The following NEXMIF variants were observed in gnomAD, a reference collection of about 807,000 sequenced individuals.
The protein encoded by NEXMIF is XLMR protein related to neurite extension.
A neutral mutation model predicts 62.1 loss-of-function variants in NEXMIF; 8 were observed. That is an observed-to-expected ratio of 0.13 (90% CI 0.08 to 0.23). The LOEUF (loss-of-function observed/expected upper bound fraction) is 0.23, where lower values mean the gene tolerates loss of function less well. Ranked by LOEUF, NEXMIF falls within the 10% of genes least tolerant of loss-of-function variation. NEXMIF has a pLI of 1.00. For missense variants in NEXMIF, 976 were observed against 1,113.3 expected (o/e 0.88, Z 1.75); for synonymous variants, 404 against 416.6 (o/e 0.97, Z 0.37).
chrX:74,852,255 A>G (rs2147494843), intron 1 of NEXMIF, among the ~76,000 whole-genome samples: 1 of 112,217 alleles, frequency 8.9e-6, no homozygotes, highest in South Asian at 3.7e-4. Flanking sequence ...AGATCAATTC[A>G]GCAAGAGAAT....
chrX:74,832,524 A>C (rs1221650158), intron 1 of NEXMIF, among the ~76,000 whole-genome samples: 1 of 110,444 alleles, frequency 9.1e-6, no homozygotes, highest in Non-Finnish European at 1.9e-5. Context: ...ACAGTTTGTC[A>C]ATTTTATCTT....
At chrX:74,843,470 A>G (rs2080480820) in intron 1 of NEXMIF, among the ~76,000 whole-genome samples, 1 of 108,757 alleles carries the variant, frequency 9.2e-6, no homozygotes, top group Non-Finnish European at 1.9e-5. Context: ...GCTGGAGTGC[A>G]GTGGTGTGAT....
intron 1 of NEXMIF, among the ~76,000 whole-genome samples, chrX:74,900,475 A>G (rs1374085270): frequency 3.3e-5 from 3 of 90,195 alleles, no homozygotes; most frequent in Non-Finnish European, 4.2e-5. Context: ...AAAAAAAAAA[A>G]AAAAGAAAAA....
rs1602229001 is a variant in NEXMIF, at chrX:74,791,817, G to A, written c.-47-46120C>T. On this transcript the variant is annotated intron_variant, in intron 1 of 3. Transcript: ENST00000055682. ...TAGTTTGTATTTCTGTGGGATCAGT[G>A]GTGATATCCCCTTTATCATTTTTTA... Among the ~76,000 whole-genome samples the A allele has an allele frequency of 3.6e-5, 4 of 110,341 alleles. No individual in the cohort carries two copies. In the East Asian group the frequency reaches 8.5e-4, roughly 24 times the overall value.
intron 1 of NEXMIF, among the ~76,000 whole-genome samples, chrX:74,850,377 C>A (rs2080508664): frequency 8.9e-6 from 1 of 112,340 alleles, no homozygotes; most frequent in Non-Finnish European, 1.9e-5. Flanking sequence ...CCACCACTAC[C>A]ACTTCTGGCA....
chrX:74,896,321 C>T (rs904840508), intron 1 of NEXMIF, among the ~76,000 whole-genome samples: 1 of 111,498 alleles, frequency 9.0e-6, no homozygotes, highest in African/African-American at 3.3e-5. Context: ...TGAAATTCAA[C>T]ATTTGCTAAC....
chrX:74,800,682 T>A (rs1365866457), intron 1 of NEXMIF, among the ~76,000 whole-genome samples: 2 of 111,288 alleles, frequency 1.8e-5, no homozygotes, highest in Non-Finnish European at 3.8e-5. Context: ...ATTCTATTTT[T>A]AAAAAATTAA....
chrX:74,832,065 T>C lies in NEXMIF; in HGVS notation c.-47-86368A>G, dbSNP rs1366601934. Among the ~76,000 whole-genome samples the C allele has an allele frequency of 4.5e-5, 5 of 112,216 alleles. No homozygotes were observed. In the East Asian group the frequency reaches 8.4e-4, roughly 19 times the overall value. On this transcript the variant is annotated intron_variant, in intron 1 of 3. Transcript: ENST00000055682. ...AATATTCATCAGAGATATTGGCCTGTAGTTTTCTTTTTCTGTTGTGTCTTT... is the reference window on the plus strand; with the variant it reads ...AATATTCATCAGAGATATTGGCCTGCAGTTTTCTTTTTCTGTTGTGTCTTT...
At chrX:74,765,800 C>A (rs1431464981) in intron 1 of NEXMIF, among the ~76,000 whole-genome samples, 3 of 99,627 alleles carry the variant, frequency 3.0e-5, no homozygotes, top group African/African-American at 1.1e-4. Context: ...CTGAGGCAGG[C>A]AGATTGCCTG....
At chrX:74,761,117 G>A (rs1239424401) in intron 1 of NEXMIF, among the ~76,000 whole-genome samples, 1 of 110,151 alleles carries the variant, frequency 9.1e-6, no homozygotes, top group Non-Finnish European at 1.9e-5. Context: ...TGATCCGCCC[G>A]CCTCGGCCTC....
At chrX:74,786,859 G>A (rs767551650) in intron 1 of NEXMIF, among the ~76,000 whole-genome samples, 86 of 107,499 alleles carry the variant, frequency 8.0e-4, no homozygotes, top group African/African-American at 2.4e-3. Context: ...GTGCATGTGC[G>A]TGTGTGCACA....
chrX:74,856,130 C>T (rs1323027458), intron 1 of NEXMIF, among the ~76,000 whole-genome samples: 1 of 111,777 alleles, frequency 8.9e-6, no homozygotes, highest in Non-Finnish European at 1.9e-5. Context: ...ACACTTTAAA[C>T]CAGTTATTAT....
chrX:74,827,612 C>A (rs1356330488), intron 1 of NEXMIF, among the ~76,000 whole-genome samples: 1 of 112,036 alleles, frequency 8.9e-6, no homozygotes, highest in Non-Finnish European at 1.9e-5. Context: ...TTGAAACAGG[C>A]AGTAATATGC....
intron 1 of NEXMIF, among the ~76,000 whole-genome samples, chrX:74,786,469 G>A (rs1253717589): frequency 1.8e-5 from 2 of 111,012 alleles, no homozygotes; most frequent in Non-Finnish European, 3.8e-5. Context: ...GGAAGAAGAG[G>A]CAGATCAATT....
At chrX:74,790,752 T>C (rs2080278913) in intron 1 of NEXMIF, among the ~76,000 whole-genome samples, 1 of 113,422 alleles carries the variant, frequency 8.8e-6, no homozygotes, top group Non-Finnish European at 1.9e-5. Flanking sequence ...CGAATGGGAG[T>C]TCACTCCTGA....
chrX:74,876,738 T>C (rs1165562168), intron 1 of NEXMIF, among the ~76,000 whole-genome samples: 1 of 102,017 alleles, frequency 9.8e-6, no homozygotes, highest in Non-Finnish European at 2.0e-5. Flanking sequence ...CCCTTTACCA[T>C]TATGTAATGG....
At chrX:74,775,433 A>T (rs1030325297) in intron 1 of NEXMIF, among the ~76,000 whole-genome samples, 4 of 111,899 alleles carry the variant, frequency 3.6e-5, no homozygotes, top group Non-Finnish European at 5.6e-5. Context: ...AAAGATCCAG[A>T]ACCCCTATGG....
chrX:74,757,151 T>C (rs745636097), intron 1 of NEXMIF, among the ~76,000 whole-genome samples: 2 of 112,420 alleles, frequency 1.8e-5, no homozygotes, highest in South Asian at 7.4e-4. Flanking sequence ...AATTTAAATG[T>C]AAATTAATTA....
At chrX:74,861,774 C>A (rs1169174387) in intron 1 of NEXMIF, among the ~76,000 whole-genome samples, 1 of 111,386 alleles carries the variant, frequency 9.0e-6, no homozygotes, top group Non-Finnish European at 1.9e-5. Flanking sequence ...GAAATAAAGT[C>A]CTTTTCAGAC....
Sources: allele counts gnomAD v4.1 joint callset (sites outside exome capture counted in the v4.1 genomes callset), GRCh38; gene constraint gnomAD v4.1.1; transcripts MANE v1.5; gene names NCBI Gene and HGNC (gene_info 2026-07-23, HGNC 2026-07-21).